Variants in MACROD1 observed in about 807,000 individuals in gnomAD.
MACROD1 encodes the protein ADP-ribose glycohydrolase MACROD1.
Under a neutral mutation model 41.4 loss-of-function variants are expected in MACROD1, and 31 were observed. The observed-to-expected ratio is 0.75, with a 90% CI of 0.56 to 1.01. The LOEUF is 1.01. Ranked by LOEUF, MACROD1 falls within the 50% of genes least tolerant of loss-of-function variation. MACROD1 has a pLI of 0.00. For synonymous variants in MACROD1, 252 were observed against 203.4 expected, an observed-to-expected ratio of 1.24 and a Z score of -2.03; for missense variants, 473 against 460.0, an observed-to-expected ratio of 1.03 and a Z score of -0.26.
chr11:64,138,207 T>C (rs1945358221), intron 3 of MACROD1, among the ~76,000 whole-genome samples: 1 of 152,150 alleles, frequency 6.6e-6, no homozygotes, highest in Non-Finnish European at 1.5e-5. Flanking sequence ...TCCTGCCTCC[T>C]TGTTAGGAGG....
In MACROD1 at chr11:64,004,874, A is replaced by AC. The variant is rs986303337; in HGVS notation, c.548-4532dup. On this transcript the variant is annotated intron_variant, in intron 4 of 10. Transcript: ENST00000255681. ...AGACCAGCCTGGACAACATAGTAAG[A>AC]CCCCATCTCAAAGAAAAGAAAAAAG... Among the ~76,000 whole-genome samples the AC allele has an allele frequency of 9.2e-5, 14 of 151,756 alleles. 1 individual carries two copies. Among genetic ancestry groups the AC allele is most frequent in the Admixed American group, 8.5e-4 (13 of 15,222 alleles).
intron 3 of MACROD1, among the ~76,000 whole-genome samples, chr11:64,123,186 C>A (rs890201717): frequency 6.6e-6 from 1 of 152,224 alleles, no homozygotes; most frequent in Non-Finnish European, 1.5e-5. Flanking sequence ...AGGGCCAGGA[C>A]GCAGCCAGGG....
At chr11:64,021,754 C>T (rs930505208) in intron 3 of MACROD1, among the ~76,000 whole-genome samples, 1 of 151,918 alleles carries the variant, frequency 6.6e-6, no homozygotes, top group African/African-American at 2.4e-5. Context: ...TGTTCTCTGA[C>T]AAGTGTGCAG....
At chr11:64,068,651 C>T (rs746050073) in intron 3 of MACROD1, among the ~76,000 whole-genome samples, 3 of 152,232 alleles carry the variant, frequency 2.0e-5, no homozygotes, top group Non-Finnish European at 4.4e-5. Context: ...GGGCTTTTGT[C>T]TCTACCCCCT....
Position 64,000,972 on chromosome 11 carries a change from G to A in MACROD1, c.548-629C>T, listed in dbSNP as rs549563319. On this transcript the variant is annotated intron_variant, in intron 4 of 10. Transcript: ENST00000255681. ...GGAGGTGAGCCCGACGCCCGGGCCC[G>A]AGTCTCCTGGCGCGCAAACCCCAGC... 9.8e-5 allele frequency: 17 copies of A among 173,176 alleles called. 1 individual carries two copies. The South Asian group carries it at 2.4e-3, about 24-fold the overall frequency. The allele number at this position is 173,176 out of a possible 1,614,324, so 10.7% of individuals were successfully genotyped here.
intron 3 of MACROD1, among the ~76,000 whole-genome samples, chr11:64,136,621 T>C (rs1004546760): frequency 1.3e-5 from 2 of 152,102 alleles, no homozygotes; most frequent in Non-Finnish European, 2.9e-5. Flanking sequence ...GGGGTAACAT[T>C]CCTGCCTTCA....
At chr11:64,048,738 A>G (rs1943633656) in intron 3 of MACROD1, among the ~76,000 whole-genome samples, 2 of 152,282 alleles carry the variant, frequency 1.3e-5, no homozygotes, top group South Asian at 4.1e-4. Context: ...AGGGTTAGGA[A>G]ATTCAACCCA....
intron 3 of MACROD1, among the ~76,000 whole-genome samples, chr11:64,057,708 T>C (rs1230479875): frequency 6.6e-6 from 1 of 152,168 alleles, no homozygotes; most frequent in Non-Finnish European, 1.5e-5. Context: ...TACCCAGACC[T>C]GAGGGAGACC....
chr11:64,104,179 G>A (rs907569537), intron 3 of MACROD1: 2 of 152,400 alleles, frequency 1.3e-5, no homozygotes, highest in African/African-American at 4.8e-5. Context: ...AGCGACGAAG[G>A]AGGTAAGGCC....
intron 3 of MACROD1, among the ~76,000 whole-genome samples, chr11:64,071,872 G>T (rs1393131286): frequency 1.3e-5 from 2 of 152,202 alleles, no homozygotes; most frequent in Non-Finnish European, 2.9e-5. Context: ...GGCAGTAGTG[G>T]CGAGAGCCCT....
chr11:64,151,443 A>G (rs1945576723), intron 2 of MACROD1, 88 bp from the exon 3 acceptor site: 2 of 935,316 alleles, frequency 2.1e-6, no homozygotes, highest in Middle Eastern at 2.4e-4. Context: ...GGCCTTCCCT[A>G]TCGACCTCCC....
intron 3 of MACROD1, among the ~76,000 whole-genome samples, chr11:64,093,085 C>G (rs1486435102): frequency 1.3e-5 from 2 of 152,120 alleles, no homozygotes; most frequent in East Asian, 3.8e-4. Context: ...GGAGCAGACC[C>G]CCTGTGGGAC....
At chr11:64,135,187 G>A (rs931763923) in intron 3 of MACROD1, among the ~76,000 whole-genome samples, 5 of 152,218 alleles carry the variant, frequency 3.3e-5, no homozygotes, top group Non-Finnish European at 4.4e-5. Context: ...TGGCATACCC[G>A]GGCATCGCAG....
intron 4 of MACROD1, among the ~76,000 whole-genome samples, chr11:64,010,828 GTGT>G (rs1295193786): frequency 7.0e-6 from 1 of 142,676 alleles, no homozygotes; most frequent in African/African-American, 2.8e-5. Context: ...ATTGGTTGGG[GTGT>G]TGGCTTGCAT....
intron 3 of MACROD1, among the ~76,000 whole-genome samples, chr11:64,032,832 C>T (rs780611800): frequency 3.9e-5 from 6 of 152,146 alleles, no homozygotes; most frequent in African/African-American, 4.8e-5. Context: ...GACACTCCCT[C>T]GTGGTGCCCT....
At chr11:64,059,561 G>T (rs1441719243) in intron 3 of MACROD1, among the ~76,000 whole-genome samples, 1 of 152,166 alleles carries the variant, frequency 6.6e-6, no homozygotes, top group African/African-American at 2.4e-5. Context: ...CCTCATCTGG[G>T]GAACAGGCAT....
intron 3 of MACROD1, among the ~76,000 whole-genome samples, chr11:64,027,220 A>T (rs1943234484): frequency 6.6e-6 from 1 of 152,196 alleles, no homozygotes; most frequent in Non-Finnish European, 1.5e-5. Flanking sequence ...AGAGGTGACC[A>T]GGCCCACGGG....
At chr11:64,028,261 C>G (rs320128) in intron 3 of MACROD1, among the ~76,000 whole-genome samples, 1 of 152,210 alleles carries the variant, frequency 6.6e-6, no homozygotes, top group African/African-American at 2.4e-5. Flanking sequence ...GGTCTGGAGC[C>G]GAGGGGGCCC....
intron 3 of MACROD1, chr11:64,118,369 A>G: frequency 6.9e-7 from 1 of 1,447,568 alleles, no homozygotes; most frequent in Non-Finnish European, 9.1e-7. Context: ...AGCCTGCTGC[A>G]ATCCAAGAGA....
Sources: allele counts gnomAD v4.1 joint callset (sites outside exome capture counted in the v4.1 genomes callset), GRCh38; gene constraint gnomAD v4.1.1; transcripts MANE v1.5; gene names NCBI Gene and HGNC (gene_info 2026-07-23, HGNC 2026-07-21).